SETD1B: variants seen among roughly 807,000 people sequenced by gnomAD.
The protein encoded by SETD1B is SET domain containing 1B, histone lysine methyltransferase.
In SETD1B, 7 loss-of-function variants were observed where a neutral mutation model predicts 148.0. The observed-to-expected ratio is 0.05, with a 90% CI of 0.03 to 0.09. SETD1B has a LOEUF of 0.09. Among genes scored for constraint, SETD1B ranks in the 10% least tolerant of loss-of-function variants. The pLI is 1.00. For missense variants in SETD1B, 2,155 were observed against 2,729.9 expected (o/e 0.79, Z 4.69); for synonymous variants, 1,361 against 1,186.5 (o/e 1.15, Z -3.02).
rs748766689 is a variant in SETD1B, at chr12:121,817,971, C to G, written c.3418+67C>G. On this transcript the variant is annotated intron_variant, in intron 10 of 16. Coordinates refer to ENST00000604567, the MANE Select transcript of SETD1B (RefSeq NM_001353345.2). The surrounding 1 kb of genome is among the most constrained non-coding windows in gnomAD (Gnocchi z 8.1). ...CTCTTTCCCCGGGGCAGAGCCTGAG[C>G]AATTGTCAGAAATACTTCTGAGCCA... 7 of 1,419,748 alleles carry G rather than the reference C, an allele frequency of 4.9e-6. No individual in the cohort carries two copies. The highest frequency in any genetic ancestry group is 5.6e-6 in the Non-Finnish European group (6 of 1,066,120). The allele number at this position is 1,419,748 out of a possible 1,614,324, so 87.9% of individuals were successfully genotyped here.
intron 10 of SETD1B, 104 bp from the exon 11 acceptor site, chr12:121,819,300 G>A (rs565703513): frequency 6.5e-5 from 98 of 1,512,910 alleles, no homozygotes; most frequent in Non-Finnish European, 7.9e-5. Flanking sequence ...TGAGGGCCGT[G>A]TTCAGCCTGG....
At chr12:121,802,355 C>G (rs1166505979), upstream of SETD1B, 1 of 152,156 alleles carries the variant, frequency 6.6e-6, no homozygotes, top group African/African-American at 2.4e-5. Context: ...TGGGTACTTA[C>G]AATGTAAAAG....
chr12:121,794,488 A>T, the SETD1B span: 1 of 152,272 alleles, frequency 6.6e-6, no homozygotes, highest in Non-Finnish European at 1.5e-5. Context: ...CTCTAGTTGA[A>T]GTCAACTTGG....
At chr12:121,823,852 ATGAAGG>A in intron 12 of SETD1B, 103 bp downstream of exon 12, 1 of 1,422,486 alleles carries the variant, frequency 7.0e-7, no homozygotes, top group Non-Finnish European at 9.3e-7. Context: ...CGCGGTGCCC[ATGAAGG>A]TGACAGCATG....
the SETD1B span, among the ~76,000 whole-genome samples, chr12:121,798,775 G>A: frequency 1.3e-5 from 2 of 152,190 alleles, no homozygotes; most frequent in Non-Finnish European, 2.9e-5. Context: ...GTTCATCAAA[G>A]CAATCACAAA....
chr12:121,819,323 T>C, intron 10 of SETD1B, 81 bp from the exon 11 acceptor site: 2 of 1,533,220 alleles, frequency 1.3e-6, no homozygotes, highest in Non-Finnish European at 1.8e-6. Flanking sequence ...GCCACCAGTT[T>C]GAGGCCATTG....
chr12:121,801,377 T>TGGGGCAGAAGAGGCACAG (rs1389841543), upstream of SETD1B: 1 of 152,216 alleles, frequency 6.6e-6, no homozygotes, highest in African/African-American at 2.4e-5. Context: ...TTCTCGCCCT[T>TGGGGCAGAAGAGGCACAG]GGGGCAGAAG....
intron 16 of SETD1B, among the ~76,000 whole-genome samples, chr12:121,829,844 A>G (rs1399330601): frequency 1.3e-5 from 2 of 152,206 alleles, no homozygotes; most frequent in Non-Finnish European, 2.9e-5. Flanking sequence ...TACGAATGGA[A>G]ATGAAAGGCC....
rs1592984956 is a variant in SETD1B at position 121,819,271 on chromosome 12, C to A, written c.3419-133C>A. 8 of 1,454,052 alleles carry A rather than the reference C, an allele frequency of 5.5e-6. No individual in the cohort carries two copies. The East Asian group carries it at 2.0e-4, about 37-fold the overall frequency. 90.1% of individuals were successfully genotyped at this position (1,454,052 alleles called of 1,614,324 possible). ...AGAAAAAAAAGACTCCTAGTGAACA[C>A]ATGCCCCACACACATATCTGAGGGC... On this transcript the variant is annotated intron_variant, in intron 10 of 16. Transcript: ENST00000604567.
chr12:121,810,611 G>A lies in SETD1B; in HGVS notation c.1666G>A (p.Gly556Ser). 6.5e-7 allele frequency: 1 copy of A among 1,548,388 alleles called. No homozygotes were observed. The highest frequency in any genetic ancestry group is 8.7e-7 in the Non-Finnish European group (1 of 1,146,600). Residue 556 changes from glycine to serine, a missense_variant, in exon 6 of 17, where the codon GGC (glycine) becomes AGC (serine). This residue lies in a region of SETD1B where 295 missense variants were observed against 303.8 expected (regional missense o/e 0.97). Transcript: ENST00000604567. This position sits in a 1 kb window ranked among gnomAD's most constrained non-coding sequence, Gnocchi z 7.6. Reference protein sequence around the residue: ...FGTNSQPGFRGPTPPSSRPSS... With the variant: ...FGTNSQPGFRSPTPPSSRPSS... ...CACCAACTCCCAGCCAGGCTTCCGG[G>A]GCCCCACGCCCCCCTCGTCACGCCC...
In SETD1B at chr12:121,804,091, C is replaced by G. The variant is rs1875565740; in HGVS notation, c.-157C>G. 1.3e-5 allele frequency: 2 copies of G among 153,228 alleles called. No homozygotes were observed. Among genetic ancestry groups the G allele is most frequent in the Non-Finnish European group, 2.9e-5 (2 of 69,386 alleles). 9.5% of individuals were successfully genotyped at this position (153,228 alleles called of 1,614,324 possible). ...GCAGCAGCAGCAGCAGCGGCGGCGG[C>G]AGCGGCAGCAGCTCCGGGCCCGGCA... On this transcript the variant is annotated 5_prime_UTR_variant, in exon 1 of 17. Coordinates refer to ENST00000604567, the MANE Select transcript of SETD1B (RefSeq NM_001353345.2). This position sits in a 1 kb window ranked among gnomAD's most constrained non-coding sequence, Gnocchi z 4.6.
At position 121,822,861 on chromosome 12, in the gene SETD1B, C is replaced by T. The variant is rs1464161909; in HGVS notation, c.4282C>T (p.Arg1428Trp). 12 of 1,487,744 alleles carry T rather than the reference C, an allele frequency of 8.1e-6. No homozygotes were observed. The East Asian group carries it at 1.2e-4, about 15-fold the overall frequency. The allele number at this position is 1,487,744 out of a possible 1,614,324, so 92.2% of individuals were successfully genotyped here. A position where few individuals can be genotyped will look rare whatever the true frequency, so the allele number is the denominator to read the frequency against. The change falls in exon 12 of 17, where the codon CGG becomes TGG. Residue 1428 changes from arginine (R) to tryptophan (W), a missense_variant. Around this residue, in one of 11 missense-constraint regions of SETD1B, gnomAD observed 862 missense variants for 873.8 expected, o/e 0.99. Transcript: ENST00000604567. ...SSGGLPRTPG[R>W]DFSFTPTFSE... ...TGGGGGCCTCCCTCGGACACCTGGC[C>T]GGGACTTCAGCTTCACACCCACCTT... is the stretch of plus-strand genomic sequence containing the variant.
the SETD1B span, chr12:121,793,623 G>C: frequency 6.5e-7 from 1 of 1,543,382 alleles, no homozygotes; most frequent in Non-Finnish European, 8.7e-7. Flanking sequence ...CAGGGCCCCG[G>C]GGGCATCCAT....
rs1266974710 is a variant in SETD1B at position 121,819,815 on chromosome 12, A to G, written c.3830A>G (p.Glu1277Gly). Reference protein sequence around the residue: ...EPPEEPGLSQEGAMLLSPEPP... With the variant: ...EPPEEPGLSQGGAMLLSPEPP... ...CCTGAGGAACCAGGCCTGAGCCAGG[A>G]AGGGGCCATGTTGCTGTCTCCAGAG... Residue 1277 changes from glutamate (E) to glycine (G), a missense_variant, in exon 11 of 17, where the codon GAA becomes GGA. By Grantham distance (98) the Glu-to-Gly change is moderately conservative (BLOSUM62 -2). Transcript: ENST00000604567. 3.9e-6 allele frequency: 6 copies of G among 1,551,432 alleles called. No individual in the cohort carries two copies. The highest frequency in any genetic ancestry group is 3.3e-4 in the Middle Eastern group (2 of 6,008).
At position 121,817,537 on chromosome 12, in the gene SETD1B, G is replaced by C; in HGVS notation, c.3145G>C (p.Ala1049Pro). The C allele has an allele frequency of 6.4e-7, 1 of 1,551,564 alleles. No homozygotes were observed. Among genetic ancestry groups the C allele is most frequent in the Non-Finnish European group, 8.7e-7 (1 of 1,146,946 alleles). Residue 1049 changes from alanine to proline, a missense_variant, in exon 9 of 17, where the codon GCG becomes CCG. Coordinates refer to ENST00000604567, the MANE Select transcript of SETD1B (RefSeq NM_001353345.2). This position sits in a 1 kb window ranked among gnomAD's most constrained non-coding sequence, Gnocchi z 8.1. ...ATTGTCGGCGTCCTCGTCCTCATCCGCGTCATCATCCTCGGGGTCCTCAAC... is the reference window on the plus strand; with the variant it reads ...ATTGTCGGCGTCCTCGTCCTCATCCCCGTCATCATCCTCGGGGTCCTCAAC... The part of the protein sequence containing the change: ...ESLSASSSSS[A>P]SSSSGSSTTS...
chr12:121,793,532 C>T, the SETD1B span: 88 of 1,544,462 alleles, frequency 5.7e-5, no homozygotes, highest in Admixed American at 2.3e-4. Flanking sequence ...CCATGAGCAG[C>T]GAGGTCTTGC....
intron 4 of SETD1B, among the ~76,000 whole-genome samples, chr12:121,806,786 G>A (rs545353883): frequency 1.3e-5 from 2 of 152,224 alleles, no homozygotes; most frequent in East Asian, 1.9e-4. Flanking sequence ...AATCAGCTAG[G>A]TGCTCTCTGG....
rs1280529006 is a variant in SETD1B, at chr12:121,825,238, G to A, written c.5209G>A (p.Asp1737Asn). Residue 1737 changes from aspartate (D) to asparagine (N), a missense_variant, in exon 13 of 17, where the codon GAT (aspartate) becomes AAT (asparagine). Around this residue, in one of 11 missense-constraint regions of SETD1B, gnomAD observed 96 missense variants for 148.7 expected, o/e 0.65. Coordinates refer to ENST00000604567, the MANE Select transcript of SETD1B (RefSeq NM_001353345.2). ...LSSAKKKKRD[D>N]GIREHVTGCA... Reference sequence around the variant, plus strand: ...TTCAGCTAAGAAGAAGAAACGGGACGATGGCATCCGCGAGCACGTGACGGG... The same window carrying A: ...TTCAGCTAAGAAGAAGAAACGGGACAATGGCATCCGCGAGCACGTGACGGG... 5 of 1,551,620 alleles carry A rather than the reference G, an allele frequency of 3.2e-6. No individual in the cohort carries two copies. The highest frequency in any genetic ancestry group is 3.5e-6 in the Non-Finnish European group (4 of 1,147,030).
the SETD1B span, chr12:121,797,544 C>T: frequency 1.3e-5 from 6 of 456,428 alleles, no homozygotes; most frequent in East Asian, 6.9e-5. Context: ...GTCCCGACAC[C>T]GTGCCGAGAA....
Sources: allele counts gnomAD v4.1 joint callset (sites outside exome capture counted in the v4.1 genomes callset), GRCh38; gene constraint gnomAD v4.1.1; regional missense constraint gnomAD v4.1.1; non-coding constraint Gnocchi (gnomAD v3.1); transcripts MANE v1.5; gene names NCBI Gene and HGNC (gene_info 2026-07-23, HGNC 2026-07-21).